LOXL4: variants seen among roughly 807,000 people sequenced by gnomAD.
LOXL4 encodes the protein lysyl oxidase like 4, also known as lysyl oxidase homolog 4.
A neutral mutation model predicts 89.1 loss-of-function variants in LOXL4; 72 were observed. That is an observed-to-expected ratio of 0.81 (90% CI 0.67 to 0.98). The LOEUF (loss-of-function observed/expected upper bound fraction) is 0.98, where lower values mean the gene tolerates loss of function less well. Among genes scored for constraint, LOXL4 ranks in the 50% least tolerant of loss-of-function variants. The pLI is 0.00. For missense variants in LOXL4, 984 were observed against 1,017.5 expected, an observed-to-expected ratio of 0.97 and a Z score of 0.45; for synonymous variants, 355 against 392.1, an observed-to-expected ratio of 0.91 and a Z score of 1.12.
intron 10 of LOXL4, 42 bp from the exon 11 acceptor site, chr10:98,253,838 A>G (rs1309512164): frequency 6.2e-7 from 1 of 1,610,554 alleles, no homozygotes; most frequent in Admixed American, 1.7e-5. Context: ...AAGGGTGGAA[A>G]GGCAGCCAGT....
At chr10:98,266,395 AGG>A (rs1858690361) in intron 1 of LOXL4, among the ~76,000 whole-genome samples, 1 of 152,158 alleles carries the variant, frequency 6.6e-6, no homozygotes, top group Non-Finnish European at 1.5e-5. Context: ...GATGGGGCCC[AGG>A]GTAGGCTGGG....
At chr10:98,264,052 G>C (rs1306558570) in intron 1 of LOXL4, among the ~76,000 whole-genome samples, 1 of 151,932 alleles carries the variant, frequency 6.6e-6, no homozygotes, top group East Asian at 1.9e-4. Flanking sequence ...TTTCTAAAGT[G>C]AGGAGATGGA....
At position 98,257,987 on chromosome 10, in the gene LOXL4, C is replaced by T; in HGVS notation, c.1099G>A (p.Gly367Ser). The change falls in exon 7 of 15, where the codon GGC (glycine) becomes AGC (serine). Residue 367 changes from glycine (G) to serine (S), a missense_variant. Physicochemically the swap from Gly to Ser is moderately conservative, Grantham distance 56 (BLOSUM62 0). Transcript: ENST00000260702. ...CCCAGGCTGTCTCACTCACCTTGGC[C>T]CAGCCGGGCCCCAAAGAGGGCCTCC... ...AREALFGARL[G>S]QGLGPIHLSE... The T allele has an allele frequency of 6.2e-7, 1 of 1,613,730 alleles. No individual in the cohort carries two copies.
At chr10:98,251,342 T>G (rs930071440) in intron 13 of LOXL4, among the ~76,000 whole-genome samples, 166 bp from the exon 14 acceptor site, 2 of 152,216 alleles carry the variant, frequency 1.3e-5, no homozygotes, top group Non-Finnish European at 2.9e-5. Flanking sequence ...GACTGAGAAG[T>G]CCCAACTGAG....
chr10:98,261,658 AGCCCTGCCCTGCCCGCTC>A (rs1858545885), intron 3 of LOXL4, among the ~76,000 whole-genome samples: 1 of 152,260 alleles, frequency 6.6e-6, no homozygotes, highest in Non-Finnish European at 1.5e-5. Flanking sequence ...CTGGCAGCAG[AGCCCTGCCCTGCCCGCTC>A]CTGTTGTTTG....
At chr10:98,256,474 G>C (rs1367422451) in intron 9 of LOXL4, 1 of 410,396 alleles carries the variant, frequency 2.4e-6, no homozygotes, top group African/African-American at 2.1e-5. Flanking sequence ...GATTTCCTCA[G>C]CTGAATCAAG....
At chr10:98,253,827 A>C in intron 10 of LOXL4, 31 bp from the exon 11 acceptor site, 1 of 1,611,564 alleles carries the variant, frequency 6.2e-7, no homozygotes, top group Non-Finnish European at 8.5e-7. Flanking sequence ...GCAGTGACTC[A>C]AAGGGTGGAA....
At chr10:98,259,481 C>T (rs775183523) in intron 4 of LOXL4, 52 bp from the exon 5 acceptor site, 1 of 1,513,342 alleles carries the variant, frequency 6.6e-7, no homozygotes, top group Non-Finnish European at 9.2e-7. Flanking sequence ...AAGTCCCACC[C>T]CCTGCCACCT....
Position 98,253,614 on chromosome 10 carries a change from C to T in LOXL4, c.1774G>A (p.Gly592Ser), listed in dbSNP as rs762617794. 8.7e-6 allele frequency: 14 copies of T among 1,614,252 alleles called. No homozygotes were observed. The highest frequency in any genetic ancestry group is 1.1e-5 in the Non-Finnish European group (13 of 1,180,048). ...GTCTTTGGACGAAAGTCAGTCCGGC[C>T]CAGATTGTAGATCTGTGTGGAGAAG... ...LRFSTQIYNL[G>S]RTDFRPKTGR... Residue 592 changes from glycine (G) to serine (S), a missense_variant, in exon 11 of 15, where the codon GGC becomes AGC. Physicochemically the swap from Gly to Ser is moderately conservative, Grantham distance 56 (BLOSUM62 0). Coordinates refer to ENST00000260702, the MANE Select transcript of LOXL4 (RefSeq NM_032211.7).
chr10:98,254,959 T>A (rs1463771348), intron 10 of LOXL4, among the ~76,000 whole-genome samples: 1 of 152,238 alleles, frequency 6.6e-6, no homozygotes, highest in Non-Finnish European at 1.5e-5. Flanking sequence ...GGGTTGATGC[T>A]ATCTGTAACC....
intron 6 of LOXL4, 123 bp from the exon 7 acceptor site, chr10:98,258,287 G>T: frequency 1.0e-6 from 1 of 967,400 alleles, no homozygotes; most frequent in Non-Finnish European, 1.5e-6. Context: ...AGCCAAGGAT[G>T]GGGAGTTCCA....
At chr10:98,259,510 TTAA>T in intron 4 of LOXL4, 81 bp from the exon 5 acceptor site, 1 of 1,238,714 alleles carries the variant, frequency 8.1e-7, no homozygotes, top group Non-Finnish European at 1.2e-6. Flanking sequence ...ATAGTTGTCC[TTAA>T]GTTTGCACAG....
At chr10:98,261,900 T>G in intron 3 of LOXL4, 135 bp downstream of exon 3, 4 of 901,648 alleles carry the variant, frequency 4.4e-6, no homozygotes, top group Admixed American at 3.5e-5. Flanking sequence ...CACTCAGGAG[T>G]CGGCGGCCTG....
intron 4 of LOXL4, 134 bp downstream of exon 4, chr10:98,260,788 T>C: frequency 3.3e-6 from 3 of 907,882 alleles, no homozygotes; most frequent in Non-Finnish European, 5.1e-6. Context: ...GTGTGCATAC[T>C]TACTTGCCCC....
At chr10:98,262,661 G>C in intron 2 of LOXL4, 82 bp downstream of exon 2, 1 of 1,518,468 alleles carries the variant, frequency 6.6e-7, no homozygotes, top group Non-Finnish European at 9.0e-7. Flanking sequence ...GGTATTAAAG[G>C]ATGGGTGGGT....
Position 98,263,047 on chromosome 10 carries a change from G to C in LOXL4, c.-28C>G. The C allele has an allele frequency of 6.2e-7, 1 of 1,605,954 alleles. No individual in the cohort carries two copies. Reference sequence around the variant, plus strand: ...TGACTTCAAGGACAGCTGAGGCCAAGATACCTGAGGAATGAGTAAACATGA... The same window carrying C: ...TGACTTCAAGGACAGCTGAGGCCAACATACCTGAGGAATGAGTAAACATGA... On this transcript the variant is annotated 5_prime_UTR_variant, in exon 2 of 15. The change creates a new upstream start codon in the 5' untranslated region. Transcript: ENST00000260702.
intron 14 of LOXL4, 44 bp downstream of exon 14, chr10:98,251,020 TC>T: frequency 7.2e-7 from 1 of 1,396,370 alleles, no homozygotes; most frequent in South Asian, 1.2e-5. Flanking sequence ...GTGTTCCAGC[TC>T]CCTGAGCCTA....
At chr10:98,250,991 A>T in intron 14 of LOXL4, 74 bp downstream of exon 14, 2 of 1,041,102 alleles carry the variant, frequency 1.9e-6, no homozygotes, top group Non-Finnish European at 3.0e-6. Flanking sequence ...GGAGTGTGGG[A>T]GCAGAGGGTA....
At position 98,256,953 on chromosome 10, in the gene LOXL4, A is replaced by G. The variant is rs1169499645; in HGVS notation, c.1261-6T>C. 9 of 1,613,618 alleles carry G rather than the reference A, an allele frequency of 5.6e-6. No homozygotes were observed. The highest frequency in any genetic ancestry group is 7.6e-6 in the Non-Finnish European group (9 of 1,179,800). On this transcript the variant is annotated splice_region_variant and splice_polypyrimidine_tract_variant and intron_variant, in intron 8 of 14. Coordinates refer to ENST00000260702, the MANE Select transcript of LOXL4 (RefSeq NM_032211.7). ...CGCCCACCAGCCAAGCGCACCTGCA[A>G]TGGCGAGGGGTGTGTGAGGAGTGGG...
Sources: gnomAD v4.1 joint callset for allele counts (sites outside exome capture counted in the v4.1 genomes callset) on GRCh38, gnomAD v4.1.1 for gene constraint, MANE v1.5 for transcripts, NCBI Gene and HGNC (gene_info 2026-07-23, HGNC 2026-07-21) for gene names.